Variants in ZNF705G observed in about 807,000 individuals in gnomAD.
ZNF705G encodes zinc finger protein 705G.
Under a neutral mutation model 19.6 loss-of-function variants are expected in ZNF705G, and 23 were observed. The observed-to-expected ratio is 1.17, with a 90% CI of 0.84 to 1.66. The LOEUF (loss-of-function observed/expected upper bound fraction) is 1.66. ZNF705G is among the 40% of genes most tolerant of loss of function. ZNF705G has a pLI of 0.00. For missense variants in ZNF705G, 457 were observed against 354.4 expected (o/e 1.29, Z -2.32); for synonymous variants, 146 against 117.7 (o/e 1.24, Z -1.56).
intron 2 of ZNF705G, among the ~76,000 whole-genome samples, chr8:7,366,260 T>C (rs1806852399): frequency 6.7e-6 from 1 of 149,026 alleles, no homozygotes; most frequent in South Asian, 2.1e-4. Flanking sequence ...CAACATCCAA[T>C]ATATTCAAAG....
At chr8:7,379,303 G>A (rs1309088227) in intron 2 of ZNF705G, among the ~76,000 whole-genome samples, 2 of 147,320 alleles carry the variant, frequency 1.4e-5, no homozygotes, top group East Asian at 3.9e-4. Context: ...TTTCCTCAGT[G>A]CACTCTTGAA....
At position 7,356,908 on chromosome 8, in the gene ZNF705G, G is replaced by T. The variant is rs1806296925; in HGVS notation, c.*1068C>A. ...ACGCAATTTATTCCCTGGTCACTTT[G>T]CTATTATGCATTTACATGCCACATT... On this transcript the variant is annotated 3_prime_UTR_variant, in exon 7 of 7. Coordinates refer to ENST00000400156, the MANE Select transcript of ZNF705G (RefSeq NM_001164457.3). 1 of 149,870 alleles carries T rather than the reference G, an allele frequency of 6.7e-6. No homozygotes were observed. The highest frequency in any genetic ancestry group is 1.9e-4 in the East Asian group (1 of 5,192). 9.3% of individuals were successfully genotyped at this position (149,870 alleles called of 1,614,324 possible). A position where few individuals can be genotyped will look rare whatever the true frequency, so the allele number is the denominator to read the frequency against.
At chr8:7,362,892 A>T (rs1340831565) in intron 3 of ZNF705G, 43 bp downstream of exon 3, 3 of 1,574,046 alleles carry the variant, frequency 1.9e-6, no homozygotes, top group Admixed American at 1.7e-5. Flanking sequence ...ATTTGCCAGC[A>T]ATATGGGTAT....
intron 2 of ZNF705G, among the ~76,000 whole-genome samples, chr8:7,370,468 A>T (rs1406679474): frequency 1.3e-5 from 2 of 149,550 alleles, no homozygotes; most frequent in African/African-American, 2.6e-5. Context: ...GTTGTGGAGA[A>T]AAGATAACCC....
intron 2 of ZNF705G, among the ~76,000 whole-genome samples, chr8:7,369,952 G>C (rs1488181337): frequency 6.7e-6 from 1 of 149,132 alleles, no homozygotes; most frequent in Non-Finnish European, 1.5e-5. Flanking sequence ...TTTTCTATCT[G>C]GGTTACAAGA....
intron 2 of ZNF705G, among the ~76,000 whole-genome samples, chr8:7,364,639 AT>A (rs2128838833): frequency 6.7e-6 from 1 of 149,816 alleles, no homozygotes; most frequent in South Asian, 2.1e-4. Flanking sequence ...GGACTCCAGT[AT>A]TTAGACCCCA....
chr8:7,368,055 T>C lies in ZNF705G; in HGVS notation c.-71-5038A>G, dbSNP rs149170362. ...TCTTAAAGTCTTCAGATGCTCCTTC[T>C]CTGGGAAAATGCATCCTCTGATTGG... is the stretch of plus-strand genomic sequence containing the variant. On this transcript the variant is annotated intron_variant, in intron 2 of 6. Transcript: ENST00000400156. Among the ~76,000 whole-genome samples the C allele has an allele frequency of 6.1e-3, 912 of 149,646 alleles. 92 individuals carry two copies. Among genetic ancestry groups the C allele is most frequent in the African/African-American group, 0.021 (804 of 39,086 alleles).
At chr8:7,367,433 GA>G (rs1316975922) in intron 2 of ZNF705G, among the ~76,000 whole-genome samples, 2 of 149,476 alleles carry the variant, frequency 1.3e-5, no homozygotes, top group Admixed American at 1.3e-4. Flanking sequence ...TGCATGTTAA[GA>G]GACAAAAATG....
Position 7,380,810 on chromosome 8 carries a change from G to A in ZNF705G, c.-72+642C>T, listed in dbSNP as rs543147897. 1.9e-4 allele frequency among the ~76,000 whole-genome samples: 28 copies of A among 144,844 alleles called. 2 individuals carry two copies. Among genetic ancestry groups the A allele is most frequent in the African/African-American group, 6.0e-4 (21 of 34,988 alleles). ...TGAGGGGGGCAGATCACCCGAGGTC[G>A]GGAGTTCAAGACCAGCCTGACCAAC... On this transcript the variant is annotated intron_variant, in intron 2 of 6. Transcript: ENST00000400156.
At chr8:7,379,965 T>C (rs1327009238) in intron 2 of ZNF705G, among the ~76,000 whole-genome samples, 2 of 141,676 alleles carry the variant, frequency 1.4e-5, no homozygotes, top group African/African-American at 6.2e-5. Flanking sequence ...CATTCCCTCA[T>C]GTCCATCCAG....
chr8:7,370,366 T>C (rs535009680), intron 2 of ZNF705G, among the ~76,000 whole-genome samples: 2 of 149,358 alleles, frequency 1.3e-5, no homozygotes, highest in South Asian at 4.2e-4. Context: ...TTACCATCTC[T>C]AATCATCAGG....
In ZNF705G at chr8:7,363,279, A is replaced by G. The variant is rs577003313; in HGVS notation, c.-71-262T>C. On this transcript the variant is annotated intron_variant, in intron 2 of 6. Coordinates refer to ENST00000400156, the MANE Select transcript of ZNF705G (RefSeq NM_001164457.3). ...CACGGAGTTTTGTATGTTAATTGGC[A>G]CAAGTCCAGATATTCAATTCCCTCA... 7.1e-4 allele frequency among the ~76,000 whole-genome samples: 106 copies of G among 148,326 alleles called. 10 individuals carry two copies. The highest frequency in any genetic ancestry group is 2.8e-3 in the African/African-American group (105 of 37,804).
At chr8:7,367,120 G>T (rs1468779999) in intron 2 of ZNF705G, among the ~76,000 whole-genome samples, 1 of 149,586 alleles carries the variant, frequency 6.7e-6, no homozygotes, top group Non-Finnish European at 1.5e-5. Flanking sequence ...CACAGAATAT[G>T]AGAATGTGAA....
At chr8:7,359,849 A>G in intron 5 of ZNF705G, 148 bp from the exon 6 acceptor site, 2 of 1,248,832 alleles carry the variant, frequency 1.6e-6, no homozygotes, top group Non-Finnish European at 2.2e-6. Context: ...TAGAAGAAAT[A>G]GATTGTACAG....
intron 2 of ZNF705G, among the ~76,000 whole-genome samples, chr8:7,370,917 C>T (rs958008704): frequency 1.6e-4 from 19 of 122,516 alleles, no homozygotes; most frequent in Non-Finnish European, 2.8e-4. Flanking sequence ...TTTGCAGGAA[C>T]ATGAATGGAG....
intron 6 of ZNF705G, 99 bp downstream of exon 6, chr8:7,359,520 C>T (rs1221464067): frequency 5.1e-6 from 8 of 1,563,200 alleles, no homozygotes; most frequent in African/African-American, 1.5e-5. Flanking sequence ...ACACTTAATG[C>T]CAGCTTAATT....
intron 2 of ZNF705G, among the ~76,000 whole-genome samples, chr8:7,368,856 G>C (rs1393554201): frequency 1.3e-5 from 2 of 149,594 alleles, no homozygotes; most frequent in Admixed American, 6.6e-5. Context: ...CGCTTTAGAG[G>C]GTGCAAGCCA....
At chr8:7,376,941 C>G (rs1208647588) in intron 2 of ZNF705G, among the ~76,000 whole-genome samples, 1 of 147,234 alleles carries the variant, frequency 6.8e-6, no homozygotes, top group African/African-American at 2.7e-5. Context: ...TTCTCTTTCA[C>G]TCCAGGAAAA....
In ZNF705G at chr8:7,370,300, T is replaced by C. The variant is rs1280943388; in HGVS notation, c.-71-7283A>G. Among the ~76,000 whole-genome samples the C allele has an allele frequency of 1.4e-5, 2 of 141,156 alleles. 1 individual carries two copies. Among genetic ancestry groups the C allele is most frequent in the African/African-American group, 5.7e-5 (2 of 35,128 alleles). 92.6% of individuals were successfully genotyped at this position (141,156 alleles called of 152,430 possible). A position where few individuals can be genotyped will look rare whatever the true frequency, so the allele number is the denominator to read the frequency against. ...AAAAAAAAATATGCAAAGATCTGAG[T>C]AGACATTTCCCAGAAGAACAGATAC... On this transcript the variant is annotated intron_variant, in intron 2 of 6. Transcript: ENST00000400156.
Sources: gnomAD v4.1 joint callset for allele counts (sites outside exome capture counted in the v4.1 genomes callset) on GRCh38, gnomAD v4.1.1 for gene constraint, MANE v1.5 for transcripts, NCBI Gene and HGNC (gene_info 2026-07-23, HGNC 2026-07-21) for gene names.